Variants in PAPPA observed in about 807,000 individuals in gnomAD.
PAPPA encodes pappalysin-1.
Under a neutral mutation model 164.0 loss-of-function variants are expected in PAPPA, and 60 were observed. That is an observed-to-expected ratio of 0.37 (90% CI 0.30 to 0.45). The LOEUF (loss-of-function observed/expected upper bound fraction) is 0.45. Ranked by LOEUF, PAPPA falls within the 20% of genes least tolerant of loss-of-function variation. The pLI is 1.00. For synonymous variants in PAPPA, 875 were observed against 814.1 expected, an observed-to-expected ratio of 1.07 and a Z score of -1.27; for missense variants, 1,782 against 2,087.3, an observed-to-expected ratio of 0.85 and a Z score of 2.85.
At chr9:116,168,352 A>G (rs1018026440) in intron 1 of PAPPA, among the ~76,000 whole-genome samples, 1 of 152,220 alleles carries the variant, frequency 6.6e-6, no homozygotes, top group African/African-American at 2.4e-5. Flanking sequence ...GCATAGTTCC[A>G]TGCCTTGAGG....
chr9:116,200,718 G>A lies in PAPPA; in HGVS notation c.1479-6738G>A, dbSNP rs138793901. Among the ~76,000 whole-genome samples, 616 of 152,112 alleles carry A rather than the reference G, an allele frequency of 4.0e-3. 2 individuals carry two copies. Among genetic ancestry groups the A allele is most frequent in the African/African-American group, 0.013 (554 of 41,484 alleles). On this transcript the variant is annotated intron_variant, in intron 2 of 21. Coordinates refer to ENST00000328252, the MANE Select transcript of PAPPA (RefSeq NM_002581.5). Reference sequence around the variant, plus strand: ...TCATGCTTTTTTTCATTGTCTGTAGGCAAAGTTTCTGGCTTAAACATGGTA... The same window carrying A: ...TCATGCTTTTTTTCATTGTCTGTAGACAAAGTTTCTGGCTTAAACATGGTA...
At chr9:116,295,566 A>AAAAAAG (rs1554749299) in intron 9 of PAPPA, among the ~76,000 whole-genome samples, 4,556 of 149,932 alleles carry the variant, frequency 0.03, 278 homozygotes, top group African/African-American at 0.11. Context: ...AAAAAAAAAA[A>AAAAAAG]AAAAGAAAAG....
intron 18 of PAPPA, among the ~76,000 whole-genome samples, chr9:116,365,374 G>A (rs1003458057): frequency 1.3e-5 from 2 of 152,066 alleles, no homozygotes; most frequent in Non-Finnish European, 2.9e-5. Context: ...GAGGCCTGGT[G>A]AGATCACCAC....
chr9:116,207,474 T>A lies in PAPPA; in HGVS notation c.1497T>A (p.Asn499Lys). Residue 499 changes from asparagine (N) to lysine (K), a missense_variant, in exon 3 of 22, where the codon AAT becomes AAA. Around this residue, in one of 2 missense-constraint regions of PAPPA, gnomAD observed 1,324 missense variants for 1,656.9 expected, o/e 0.80. Transcript: ENST00000328252. ...DSPHRAYLDV[N>K]ELKNILKLDG... ...GTTTCAGAGCCTACTTGGATGTTAA[T>A]GAGCTGAAGAACATTCTTAAATTGG... 1 of 1,612,234 alleles carries A rather than the reference T, an allele frequency of 6.2e-7. No homozygotes were observed. Among genetic ancestry groups the A allele is most frequent in the East Asian group, 2.2e-5 (1 of 44,820 alleles).
At position 116,271,192 on chromosome 9, in the gene PAPPA, C is replaced by G. The variant is rs1287434836; in HGVS notation, c.2862-133C>G. 1.6e-6 allele frequency: 1 copy of G among 640,010 alleles called. No homozygotes were observed. Among genetic ancestry groups the G allele is most frequent in the Non-Finnish European group, 2.8e-6 (1 of 355,420 alleles). 39.6% of individuals were successfully genotyped at this position (640,010 alleles called of 1,614,324 possible). On this transcript the variant is annotated intron_variant, in intron 8 of 21. Transcript: ENST00000328252. The surrounding 1 kb of genome is among the most constrained non-coding windows in gnomAD (Gnocchi z 4.2). ...AAATCTCATTTTGAAGATGAAGAAG[C>G]AGAGACTCAGACAGAGAAAGGGATT...
intron 19 of PAPPA, among the ~76,000 whole-genome samples, chr9:116,372,301 T>C (rs1686376708): frequency 6.6e-6 from 1 of 152,184 alleles, no homozygotes; most frequent in Admixed American, 6.5e-5. Flanking sequence ...AGTGCAGCAA[T>C]GTGGAAATGT....
chr9:116,365,709 A>G (rs1197029230), intron 18 of PAPPA, among the ~76,000 whole-genome samples: 1 of 151,870 alleles, frequency 6.6e-6, no homozygotes, highest in African/African-American at 2.4e-5. Context: ...AGCACACTCC[A>G]TAAGCAGTTT....
chr9:116,254,951 G>GA (rs1309523847), intron 7 of PAPPA, among the ~76,000 whole-genome samples: 12 of 151,584 alleles, frequency 7.9e-5, no homozygotes, highest in Non-Finnish European at 2.9e-5. Flanking sequence ...ATTTTGGGGA[G>GA]AAAAAAGCAA....
intron 9 of PAPPA, among the ~76,000 whole-genome samples, chr9:116,279,513 G>A (rs1003012728): frequency 2.0e-5 from 3 of 152,034 alleles, no homozygotes; most frequent in Admixed American, 1.3e-4. Context: ...GACGCCAGAA[G>A]GGAGGAATTC....
chr9:116,329,590 C>T (rs1359839123), intron 10 of PAPPA, among the ~76,000 whole-genome samples: 1 of 151,930 alleles, frequency 6.6e-6, no homozygotes, highest in African/African-American at 2.4e-5. Context: ...ATGTATAGTT[C>T]TCTACTCTAT....
chr9:116,326,875 T>C lies in PAPPA; in HGVS notation c.3148-4369T>C, dbSNP rs192902054. Among the ~76,000 whole-genome samples the C allele has an allele frequency of 1.1e-4, 16 of 152,374 alleles. No homozygotes were observed. The East Asian group carries it at 1.3e-3, about 13-fold the overall frequency. On this transcript the variant is annotated intron_variant, in intron 10 of 21. Coordinates refer to ENST00000328252, the MANE Select transcript of PAPPA (RefSeq NM_002581.5). The stretch of plus-strand genomic sequence containing the variant: ...GTCTGGCTTATTTAACTTAGCATAA[T>C]GTTCTCAAAGTTCATTCCTCTTATT...
chr9:116,233,991 C>T (rs1844629449), intron 6 of PAPPA, among the ~76,000 whole-genome samples: 1 of 152,106 alleles, frequency 6.6e-6, no homozygotes, highest in Non-Finnish European at 1.5e-5. Context: ...GAGCTACAAT[C>T]AGACCATTCC....
At chr9:116,158,888 GGA>G (rs1190330375) in intron 1 of PAPPA, among the ~76,000 whole-genome samples, 1 of 152,204 alleles carries the variant, frequency 6.6e-6, no homozygotes, top group Non-Finnish European at 1.5e-5. Flanking sequence ...GGTTCTCAGT[GGA>G]GAGAGCCTAG....
Position 116,367,905 on chromosome 9 carries a change from GA to G in PAPPA, c.4605+152del, listed in dbSNP as rs1846523289. The G allele has an allele frequency of 4.6e-6, 3 of 651,050 alleles. No individual in the cohort carries two copies. In the South Asian group the frequency reaches 5.4e-5, roughly 12 times the overall value. The allele number at this position is 651,050 out of a possible 1,614,324, so 40.3% of individuals were successfully genotyped here. A position where few individuals can be genotyped will look rare whatever the true frequency, so the allele number is the denominator to read the frequency against. On this transcript the variant is annotated intron_variant, in intron 19 of 21. Transcript: ENST00000328252. ...CTGCCCTGTGGGTGTGTGTTGCAGG[GA>G]GGTGGGGTAGAGTCGGGAGGAGACT...
chr9:116,285,133 T>G (rs1175216419), intron 9 of PAPPA, among the ~76,000 whole-genome samples: 1 of 151,242 alleles, frequency 6.6e-6, no homozygotes, highest in Non-Finnish European at 1.5e-5. Flanking sequence ...TCTTTTCTTT[T>G]TCTTTTTTCT....
At chr9:116,221,931 A>C (rs1403201070) in intron 5 of PAPPA, among the ~76,000 whole-genome samples, 1 of 152,198 alleles carries the variant, frequency 6.6e-6, no homozygotes, top group East Asian at 1.9e-4. Flanking sequence ...GTCACCACAC[A>C]CCTGTTAGAA....
chr9:116,304,835 T>C (rs957239431), intron 10 of PAPPA, among the ~76,000 whole-genome samples: 2 of 152,172 alleles, frequency 1.3e-5, no homozygotes, highest in Admixed American at 1.3e-4. Context: ...TTTATTTTAA[T>C]GAAATCGACT....
chr9:116,352,788 A>T lies in PAPPA; in HGVS notation c.4047A>T (p.Pro1349=), dbSNP rs771516424. ...TGTGTGAGCTCATGTGCCTCGCTCC[A>T]CCCCCTGTGCCCAATGCAGACCTCC... ...EALCELMCLA[P]PPVPNADLQT... Residue 1349 remains proline, a synonymous_variant, in exon 16 of 22, where the codon CCA becomes CCT. Transcript: ENST00000328252. 1 of 1,613,582 alleles carries T rather than the reference A, an allele frequency of 6.2e-7. No homozygotes were observed. The highest frequency in any genetic ancestry group is 1.3e-5 in the African/African-American group (1 of 74,910).
chr9:116,377,366 C>T (rs543541970), intron 19 of PAPPA, among the ~76,000 whole-genome samples: 3 of 152,278 alleles, frequency 2.0e-5, no homozygotes, highest in Admixed American at 6.5e-5. Context: ...AAATACAGAA[C>T]CATGACACAT....
Sources: gnomAD v4.1 joint callset for allele counts (sites outside exome capture counted in the v4.1 genomes callset) on GRCh38, gnomAD v4.1.1 for gene constraint, gnomAD v4.1.1 regional missense constraint, Gnocchi (gnomAD v3.1) non-coding constraint, MANE v1.5 for transcripts, NCBI Gene and HGNC (gene_info 2026-07-23, HGNC 2026-07-21) for gene names.